GPC6: variants seen among roughly 807,000 people sequenced by gnomAD.
GPC6 encodes glypican 6.
A neutral mutation model predicts 55.2 loss-of-function variants in GPC6; 14 were observed. The observed-to-expected ratio is 0.25, with a 90% CI of 0.17 to 0.40. GPC6 has a LOEUF of 0.40. Ranked by LOEUF, GPC6 falls within the 10% of genes least tolerant of loss-of-function variation. The probability of loss-of-function intolerance (pLI) is 1.00; values close to 1 mark genes in which losing one functional copy is unlikely to be tolerated. For missense variants in GPC6, 641 were observed against 708.5 expected, an observed-to-expected ratio of 0.90 and a Z score of 1.08; for synonymous variants, 278 against 259.6, an observed-to-expected ratio of 1.07 and a Z score of -0.68.
At chr13:93,651,901 T>C (rs1223800538) in intron 2 of GPC6, among the ~76,000 whole-genome samples, 1 of 152,146 alleles carries the variant, frequency 6.6e-6, no homozygotes, top group African/African-American at 2.4e-5. Context: ...TCCCTGGGCA[T>C]AGGGCCTGTA....
At chr13:94,175,091 A>C (rs1864533088) in intron 4 of GPC6, among the ~76,000 whole-genome samples, 1 of 152,152 alleles carries the variant, frequency 6.6e-6, no homozygotes, top group South Asian at 2.1e-4. Flanking sequence ...AAATGAAATT[A>C]TACAGTATGT....
chr13:94,055,568 T>C (rs1884102274), intron 4 of GPC6, among the ~76,000 whole-genome samples: 1 of 152,172 alleles, frequency 6.6e-6, no homozygotes, highest in African/African-American at 2.4e-5. Context: ...CAAAGAGAAA[T>C]GTATAATTTA....
intron 2 of GPC6, among the ~76,000 whole-genome samples, chr13:93,550,460 T>A (rs1462532286): frequency 5.9e-5 from 9 of 152,150 alleles, no homozygotes; most frequent in Non-Finnish European, 1.2e-4. Flanking sequence ...GCCAGTACAT[T>A]TTTAAAAGCA....
intron 2 of GPC6, among the ~76,000 whole-genome samples, chr13:93,767,438 C>T (rs896499356): frequency 6.6e-6 from 1 of 152,144 alleles, no homozygotes; most frequent in Non-Finnish European, 1.5e-5. Flanking sequence ...GTACTTTGAA[C>T]TTAGTGTCTA....
chr13:93,423,596 G>A (rs1447302755), intron 1 of GPC6, among the ~76,000 whole-genome samples: 2 of 152,028 alleles, frequency 1.3e-5, no homozygotes, highest in African/African-American at 2.4e-5. Context: ...TTCCGCGGTT[G>A]CTAAGTTATT....
chr13:94,195,840 G>C (rs900427904), intron 4 of GPC6, among the ~76,000 whole-genome samples: 4 of 152,174 alleles, frequency 2.6e-5, no homozygotes, highest in African/African-American at 7.2e-5. Flanking sequence ...AAAGACTGTA[G>C]TTTACGGGTG....
rs1216446199 is a variant in GPC6, at chr13:94,305,967, A to G, written c.1009-13A>G. ...ATTGTATAGCTGTTTTTACTTTTCA[A>G]TGGTTCTTCCAGGTCTTTCAGGGAT... On this transcript the variant is annotated splice_polypyrimidine_tract_variant and intron_variant, in intron 5 of 8. Transcript: ENST00000377047. The G allele has an allele frequency of 2.5e-6, 4 of 1,613,778 alleles. No homozygotes were observed. Among genetic ancestry groups the G allele is most frequent in the Non-Finnish European group, 2.5e-6 (3 of 1,179,792 alleles).
intron 2 of GPC6, among the ~76,000 whole-genome samples, chr13:93,583,253 G>A (rs149092964): frequency 2.9e-4 from 44 of 152,186 alleles, no homozygotes; most frequent in African/African-American, 8.4e-4. Context: ...GCATTTAGTC[G>A]TCTCCTTTTC....
At chr13:93,427,960 GA>G (rs1306101521) in intron 1 of GPC6, among the ~76,000 whole-genome samples, 1 of 152,096 alleles carries the variant, frequency 6.6e-6, no homozygotes, top group Non-Finnish European at 1.5e-5. Flanking sequence ...CACATGCAAT[GA>G]ATTTTCTCTT....
chr13:93,994,772 T>C (rs1021962364), intron 3 of GPC6, among the ~76,000 whole-genome samples: 1 of 152,224 alleles, frequency 6.6e-6, no homozygotes, highest in African/African-American at 2.4e-5. Context: ...TACACGTTCA[T>C]AGTTTTGGTA....
chr13:93,828,993 C>T (rs1309525545), intron 2 of GPC6, among the ~76,000 whole-genome samples: 1 of 152,064 alleles, frequency 6.6e-6, no homozygotes, highest in Non-Finnish European at 1.5e-5. Context: ...ATACCCAGAA[C>T]CCCAGAAAGG....
intron 1 of GPC6, among the ~76,000 whole-genome samples, chr13:93,272,927 G>A (rs1186182832): frequency 6.6e-6 from 1 of 152,140 alleles, no homozygotes; most frequent in Non-Finnish European, 1.5e-5. Context: ...GCTGGTATTT[G>A]ATTATCCATA....
chr13:93,224,206 T>G (rs1216454871), upstream of GPC6, among the ~76,000 whole-genome samples: 1 of 150,878 alleles, frequency 6.6e-6, no homozygotes, highest in South Asian at 2.1e-4. Context: ...CCTTTTTTTT[T>G]TTTTTGAGAC....
intron 1 of GPC6, among the ~76,000 whole-genome samples, chr13:93,471,210 T>G (rs1879098409): frequency 6.6e-6 from 1 of 152,116 alleles, no homozygotes; most frequent in African/African-American, 2.4e-5. Context: ...GAGGTCTCTC[T>G]TCTTTTCTTA....
chr13:93,933,152 T>TACAGGGAG (rs140384082), intron 3 of GPC6, among the ~76,000 whole-genome samples: 1,755 of 152,124 alleles, frequency 0.012, 37 homozygotes, highest in African/African-American at 0.041. Context: ...TTGTACATGG[T>TACAGGGAG]ACAGGGAGGC....
At chr13:93,328,873 C>G (rs558910410) in intron 1 of GPC6, among the ~76,000 whole-genome samples, 3 of 152,058 alleles carry the variant, frequency 2.0e-5, no homozygotes, top group African/African-American at 7.2e-5. Context: ...AAAAGTTGAC[C>G]AAATACCTCT....
intron 1 of GPC6, among the ~76,000 whole-genome samples, chr13:93,390,325 C>A (rs1875575229): frequency 6.6e-6 from 1 of 152,026 alleles, no homozygotes; most frequent in Admixed American, 6.6e-5. Context: ...GGAAAGGAGA[C>A]CTTTACTGAG....
At chr13:93,711,104 A>G (rs1038670802) in intron 2 of GPC6, among the ~76,000 whole-genome samples, 1 of 151,836 alleles carries the variant, frequency 6.6e-6, no homozygotes, top group African/African-American at 2.4e-5. Flanking sequence ...ATTATAAGTG[A>G]TAAGCTAGAG....
At chr13:93,945,524 T>C (rs1465142616) in intron 3 of GPC6, among the ~76,000 whole-genome samples, 1 of 152,190 alleles carries the variant, frequency 6.6e-6, no homozygotes, top group Non-Finnish European at 1.5e-5. Context: ...ACATCTTACG[T>C]GGTGAGATTG....
Sources: allele counts gnomAD v4.1 joint callset (sites outside exome capture counted in the v4.1 genomes callset), GRCh38; gene constraint gnomAD v4.1.1; transcripts MANE v1.5; gene names NCBI Gene and HGNC (gene_info 2026-07-23, HGNC 2026-07-21).